Variants in SRGAP2 observed in about 807,000 individuals in gnomAD.
SRGAP2 encodes SLIT-ROBO Rho GTPase activating protein 2, also known as SLIT-ROBO Rho GTPase-activating protein 2.
A neutral mutation model predicts 57.2 loss-of-function variants in SRGAP2; 15 were observed. The observed-to-expected ratio is 0.26, with a 90% confidence interval of 0.18 to 0.40. The LOEUF (loss-of-function observed/expected upper bound fraction) is 0.40, where lower values mean the gene tolerates loss of function less well. Ranked by LOEUF, SRGAP2 falls within the 10% of genes least tolerant of loss-of-function variation. The pLI is 1.00. For missense variants in SRGAP2, 520 were observed against 669.6 expected, an observed-to-expected ratio of 0.78 and a Z score of 2.47; for synonymous variants, 249 against 248.0, an observed-to-expected ratio of 1.00 and a Z score of -0.04.
At chr1:206,237,003 C>A in intron 2 of SRGAP2, among the ~76,000 whole-genome samples, 1 of 143,166 alleles carries the variant, frequency 7.0e-6, no homozygotes, top group Non-Finnish European at 1.5e-5. Flanking sequence ...GGATTACAGG[C>A]ACATGTCATC....
Position 206,458,704 on chromosome 1 carries a change from C to T in SRGAP2, c.2589C>T (p.Asp863=), listed in dbSNP as rs782718320. The T allele has an allele frequency of 5.1e-6, 4 of 779,840 alleles. No homozygotes were observed. The highest frequency in any genetic ancestry group is 9.6e-6 in the Non-Finnish European group (4 of 417,562). The allele number at this position is 779,840 out of a possible 1,614,324, so 48.3% of individuals were successfully genotyped here. ...DSHGLSSSLT[D]SSSPGVGASC... Reference sequence around the variant, plus strand: ...ATGGGCTGAGCAGTTCCCTGACTGACTCCTCCTCCCCAGGGGTGGGGGCTA... The same window carrying T: ...ATGGGCTGAGCAGTTCCCTGACTGATTCCTCCTCCCCAGGGGTGGGGGCTA... The change falls in exon 22 of 23, where the codon GAC becomes GAT. Residue 863 remains aspartate (D), a synonymous_variant. Transcript: ENST00000573034.
chr1:206,311,204 G>T (rs1250509416), intron 3 of SRGAP2, among the ~76,000 whole-genome samples: 1 of 151,870 alleles, frequency 6.6e-6, no homozygotes, highest in Non-Finnish European at 1.5e-5. Context: ...ATTGTTCTGG[G>T]TGACTATAAA....
rs1553619907 is a variant in SRGAP2, at chr1:206,296,647, G to A, written c.68-6634G>A. Reference sequence around the variant, plus strand: ...GGATTTTGCCATGTTGCCCAGGCTCGTCTGGAACTCCTGAGCTCTAGTAAT... The same window carrying A: ...GGATTTTGCCATGTTGCCCAGGCTCATCTGGAACTCCTGAGCTCTAGTAAT... On this transcript the variant is annotated intron_variant, in intron 2 of 22. Transcript: ENST00000573034. 5.3e-5 allele frequency among the ~76,000 whole-genome samples: 8 copies of A among 152,154 alleles called. No individual in the cohort carries two copies. The East Asian group carries it at 5.8e-4, about 11-fold the overall frequency.
At chr1:206,425,092 G>T (rs1044771331) in intron 13 of SRGAP2, among the ~76,000 whole-genome samples, 2 of 152,116 alleles carry the variant, frequency 1.3e-5, no homozygotes, top group African/African-American at 2.4e-5. Context: ...GCCAAATTTT[G>T]TACTCACACA....
intron 4 of SRGAP2, among the ~76,000 whole-genome samples, chr1:206,359,798 CTTTTT>C (rs1166916482): frequency 6.7e-4 from 47 of 70,224 alleles, no homozygotes; most frequent in African/African-American, 2.8e-3. Flanking sequence ...GGATATTGCT[CTTTTT>C]TTTTTTTTTT....
chr1:206,372,943 CTTT>C (rs1654709620), intron 4 of SRGAP2, among the ~76,000 whole-genome samples: 3 of 8,704 alleles, frequency 3.4e-4, no homozygotes, highest in African/African-American at 2.0e-3. Flanking sequence ...TTCTTTCTTT[CTTT>C]CTTTCTTTCT....
chr1:206,456,421 T>C (rs1217411889), intron 21 of SRGAP2, among the ~76,000 whole-genome samples: 2 of 152,222 alleles, frequency 1.3e-5, no homozygotes, highest in African/African-American at 4.8e-5. Context: ...TTTTTCCTTA[T>C]TTACAATTCT....
intron 2 of SRGAP2, among the ~76,000 whole-genome samples, chr1:206,268,104 A>C: frequency 6.6e-6 from 1 of 151,074 alleles, no homozygotes; most frequent in East Asian, 1.9e-4. Flanking sequence ...TTTAAATTAT[A>C]CTTTAAGTTC....
At chr1:206,322,516 C>G (rs1341651239) in intron 3 of SRGAP2, among the ~76,000 whole-genome samples, 2 of 147,940 alleles carry the variant, frequency 1.4e-5, no homozygotes, top group African/African-American at 2.5e-5. Context: ...GGAGGTGGAG[C>G]TTGCAGTGAG....
chr1:206,373,001 CTTTCTT>C (rs1288390442), intron 4 of SRGAP2, among the ~76,000 whole-genome samples: 8 of 100,588 alleles, frequency 8.0e-5, no homozygotes, highest in Non-Finnish European at 1.2e-4. Context: ...TTCTTTCTTT[CTTTCTT>C]TCTTTCTTTC....
intron 2 of SRGAP2, among the ~76,000 whole-genome samples, chr1:206,277,882 G>A (rs1670504357): frequency 6.6e-6 from 1 of 152,064 alleles, no homozygotes; most frequent in Non-Finnish European, 1.5e-5. Flanking sequence ...GGGAAGCTGA[G>A]GCATGAGAAT....
chr1:206,227,284 GA>G (rs1398261723), intron 2 of SRGAP2, among the ~76,000 whole-genome samples: 24 of 152,140 alleles, frequency 1.6e-4, no homozygotes, highest in African/African-American at 5.8e-4. Flanking sequence ...TGTATTGGAT[GA>G]ATGAATGAAC....
chr1:206,292,359 G>C lies in SRGAP2; in HGVS notation c.68-10922G>C, dbSNP rs1316948815. 2.9e-3 allele frequency among the ~76,000 whole-genome samples: 435 copies of C among 152,296 alleles called. 16 individuals carry two copies. The highest frequency in any genetic ancestry group is 0.027 in the Admixed American group (407 of 15,294). ...CAGGAGAGAAAGCCTGGGTGGGATT[G>C]AGAGTCACACAGCAAGGGTAGAAGG... is the stretch of plus-strand genomic sequence containing the variant. On this transcript the variant is annotated intron_variant, in intron 2 of 22. Coordinates refer to ENST00000573034, the MANE Select transcript of SRGAP2 (RefSeq NM_015326.5).
chr1:206,290,680 G>A (rs1671266356), intron 2 of SRGAP2, among the ~76,000 whole-genome samples: 1 of 148,964 alleles, frequency 6.7e-6, no homozygotes, highest in Non-Finnish European at 1.5e-5. Context: ...AGAAATGTAT[G>A]TAGTGCTTAC....
At chr1:206,248,682 G>A (rs1465521510) in intron 2 of SRGAP2, among the ~76,000 whole-genome samples, 2 of 152,172 alleles carry the variant, frequency 1.3e-5, no homozygotes, top group African/African-American at 4.8e-5. Flanking sequence ...CACCGTGGAT[G>A]TTGGAATTTA....
rs190471769 is a variant in SRGAP2, at chr1:206,267,934, T to C, written c.68-35347T>C. Reference sequence around the variant, plus strand: ...ATCCAGAAAAAAATGGATTTATATCTTCAAAATAAGGAAAATAACATACAA... The same window carrying C: ...ATCCAGAAAAAAATGGATTTATATCCTCAAAATAAGGAAAATAACATACAA... On this transcript the variant is annotated intron_variant, in intron 2 of 22. Transcript: ENST00000573034. Among the ~76,000 whole-genome samples the C allele has an allele frequency of 1.5e-3, 226 of 151,250 alleles. 3 individuals carry two copies. Among genetic ancestry groups the C allele is most frequent in the Admixed American group, 0.013 (195 of 15,208 alleles).
chr1:206,277,911 A>G (rs1424831475), intron 2 of SRGAP2, among the ~76,000 whole-genome samples: 1 of 151,960 alleles, frequency 6.6e-6, no homozygotes, highest in East Asian at 1.9e-4. Flanking sequence ...CCAGGGAGTC[A>G]GGGTTTGCAG....
chr1:206,453,915 T>TG, intron 20 of SRGAP2: 1 of 539,302 alleles, frequency 1.9e-6, no homozygotes, highest in South Asian at 2.7e-5. Flanking sequence ...TAGGGTAAGA[T>TG]GGGGGAAGGA....
intron 3 of SRGAP2, among the ~76,000 whole-genome samples, chr1:206,329,580 G>T (rs1270828085): frequency 9.6e-6 from 1 of 104,594 alleles, no homozygotes; most frequent in African/African-American, 3.8e-5. Context: ...AATTGTGAAT[G>T]GGAGTTCACT....
Sources: gnomAD v4.1 joint callset for allele counts (sites outside exome capture counted in the v4.1 genomes callset) on GRCh38, gnomAD v4.1.1 for gene constraint, MANE v1.5 for transcripts, NCBI Gene and HGNC (gene_info 2026-07-23, HGNC 2026-07-21) for gene names.